The following NOS1AP variants were observed in gnomAD, a reference collection of about 807,000 sequenced individuals.
The protein encoded by NOS1AP is nitric oxide synthase 1 adaptor protein.
A neutral mutation model predicts 56.2 loss-of-function variants in NOS1AP; 21 were observed. That is an observed-to-expected ratio of 0.37 (90% CI 0.26 to 0.54). NOS1AP has a LOEUF of 0.54. Among genes scored for constraint, NOS1AP ranks in the 20% least tolerant of loss-of-function variants. The pLI, the probability that NOS1AP is intolerant of heterozygous loss-of-function variation, is 0.84. For missense variants in NOS1AP, 522 were observed against 657.8 expected (o/e 0.79, Z 2.26); for synonymous variants, 270 against 274.6 (o/e 0.98, Z 0.17).
At chr1:162,269,159 C>T (rs1446626829) in intron 2 of NOS1AP, among the ~76,000 whole-genome samples, 3 of 152,156 alleles carry the variant, frequency 2.0e-5, no homozygotes, top group African/African-American at 4.8e-5. Context: ...TCAGAGGGGG[C>T]CACAAAACCA....
intron 5 of NOS1AP, among the ~76,000 whole-genome samples, chr1:162,341,027 C>G (rs943716983): frequency 1.9e-4 from 29 of 152,148 alleles, no homozygotes; most frequent in African/African-American, 7.0e-4. Flanking sequence ...TCTTGTGATG[C>G]CTGAGAAATA....
intron 4 of NOS1AP, among the ~76,000 whole-genome samples, chr1:162,332,467 C>T (rs544567456): frequency 2.2e-3 from 341 of 152,272 alleles, no homozygotes; most frequent in African/African-American, 7.9e-3. Flanking sequence ...AGTGTGCACT[C>T]AGTGGCATTG....
intron 2 of NOS1AP, among the ~76,000 whole-genome samples, chr1:162,159,156 A>G (rs1476348558): frequency 6.6e-6 from 1 of 152,178 alleles, no homozygotes; most frequent in African/African-American, 2.4e-5. Context: ...GATTTGCATT[A>G]GTAAATATGA....
intron 2 of NOS1AP, among the ~76,000 whole-genome samples, chr1:162,284,603 A>C (rs904019341): frequency 6.6e-6 from 1 of 151,746 alleles, no homozygotes. Flanking sequence ...CTGTGCCCAC[A>C]GACCCTGTAA....
chr1:162,107,632 C>T (rs1001523943), intron 1 of NOS1AP, among the ~76,000 whole-genome samples: 1 of 152,190 alleles, frequency 6.6e-6, no homozygotes, highest in East Asian at 1.9e-4. Context: ...GCATGAGCCA[C>T]TGTGCCTGGC....
At chr1:162,273,579 G>A (rs970660872) in intron 2 of NOS1AP, among the ~76,000 whole-genome samples, 1 of 152,158 alleles carries the variant, frequency 6.6e-6, no homozygotes, top group African/African-American at 2.4e-5. Context: ...AGGCCTGGGG[G>A]CAAGGTTTTC....
At chr1:162,071,162 C>G (rs921534665) in intron 1 of NOS1AP, among the ~76,000 whole-genome samples, 41 of 152,142 alleles carry the variant, frequency 2.7e-4, no homozygotes, top group African/African-American at 8.7e-4. Flanking sequence ...GCTCTTCCTT[C>G]AAGCCACTTG....
intron 1 of NOS1AP, among the ~76,000 whole-genome samples, chr1:162,124,168 G>C (rs7555508): frequency 0.54 from 81,678 of 151,370 alleles, 22,885 homozygotes; most frequent in Non-Finnish European, 0.62. Context: ...CAAGTGGTTT[G>C]TGGTTACATG....
chr1:162,287,420 TGAA>T lies in NOS1AP; in HGVS notation c.264_266del (p.Lys90del), dbSNP rs530021849. 9.9e-6 allele frequency: 16 copies of T among 1,611,710 alleles called. No individual in the cohort carries two copies. Among genetic ancestry groups the T allele is most frequent in the South Asian group, 2.2e-5 (2 of 91,030 alleles). On this transcript the variant is annotated inframe_deletion, in exon 3 of 10. Coordinates refer to ENST00000361897, the MANE Select transcript of NOS1AP (RefSeq NM_014697.3). Reference sequence around the variant, plus strand: ...TCAGTGGATGGAGTGAAAGTGATTCTGAAGAAGAAGAAAAAGGTAAGTGGCTCT... The same window carrying T: ...TCAGTGGATGGAGTGAAAGTGATTCTGAAGAAGAAAAAGGTAAGTGGCTCT...
intron 4 of NOS1AP, among the ~76,000 whole-genome samples, chr1:162,326,728 A>G (rs1258069415): frequency 6.6e-6 from 1 of 152,164 alleles, no homozygotes. Context: ...CTGGCTGGAA[A>G]AGACCAATGT....
intron 2 of NOS1AP, among the ~76,000 whole-genome samples, chr1:162,166,562 G>A (rs1650508073): frequency 6.6e-6 from 1 of 152,110 alleles, no homozygotes; most frequent in Admixed American, 6.6e-5. Flanking sequence ...CCCTGATGTT[G>A]GCAGAGTAGT....
intron 8 of NOS1AP, among the ~76,000 whole-genome samples, chr1:162,358,687 C>T (rs1278018874): frequency 1.3e-5 from 2 of 152,194 alleles, no homozygotes; most frequent in African/African-American, 2.4e-5. Context: ...CACTGCAGCA[C>T]GGGTCCATTC....
intron 4 of NOS1AP, among the ~76,000 whole-genome samples, chr1:162,303,740 C>A (rs551836216): frequency 2.0e-5 from 3 of 152,256 alleles, no homozygotes; most frequent in East Asian, 3.9e-4. Context: ...CTGCACTCAG[C>A]CTTCTCTTGA....
intron 2 of NOS1AP, among the ~76,000 whole-genome samples, chr1:162,171,819 A>G (rs1372891957): frequency 6.6e-6 from 1 of 152,072 alleles, no homozygotes; most frequent in Admixed American, 6.5e-5. Flanking sequence ...CCTCATGGCC[A>G]TAGAACAACC....
At chr1:162,344,450 C>T (rs1332698777) in intron 6 of NOS1AP, among the ~76,000 whole-genome samples, 3 of 151,706 alleles carry the variant, frequency 2.0e-5, no homozygotes, top group Non-Finnish European at 2.9e-5. Flanking sequence ...AATCCTAGCA[C>T]TTTGGGAGGC....
At chr1:162,111,556 G>A (rs1280957649) in intron 1 of NOS1AP, among the ~76,000 whole-genome samples, 2 of 152,196 alleles carry the variant, frequency 1.3e-5, no homozygotes, top group African/African-American at 4.8e-5. Flanking sequence ...ACAGGGATAA[G>A]TAGTTGAGAC....
chr1:162,192,544 T>C (rs12047527), intron 2 of NOS1AP, among the ~76,000 whole-genome samples: 57,556 of 151,982 alleles, frequency 0.38, 11,449 homozygotes, highest in South Asian at 0.57. Flanking sequence ...GCTTGAAGAC[T>C]GGCTTTACCA....
At chr1:162,247,887 T>G (rs1182509160) in intron 2 of NOS1AP, among the ~76,000 whole-genome samples, 3 of 152,224 alleles carry the variant, frequency 2.0e-5, no homozygotes, top group Non-Finnish European at 2.9e-5. Context: ...ATATTCTATG[T>G]TATCCACAAT....
At chr1:162,280,485 T>C (rs1282202365) in intron 2 of NOS1AP, among the ~76,000 whole-genome samples, 2 of 152,244 alleles carry the variant, frequency 1.3e-5, no homozygotes, top group Non-Finnish European at 2.9e-5. Context: ...TACATTACCA[T>C]GTGCATTTTA....
Sources: gnomAD v4.1 joint callset for allele counts (sites outside exome capture counted in the v4.1 genomes callset) on GRCh38, gnomAD v4.1.1 for gene constraint, MANE v1.5 for transcripts, NCBI Gene and HGNC (gene_info 2026-07-23, HGNC 2026-07-21) for gene names.